The following LRP1B variants were observed in gnomAD, a reference collection of about 807,000 sequenced individuals.
The protein encoded by LRP1B is LDL receptor related protein 1B.
A neutral mutation model predicts 556.6 loss-of-function variants in LRP1B; 217 were observed. That is an observed-to-expected ratio of 0.39 (90% CI 0.35 to 0.44). The LOEUF is 0.44. LRP1B is among the 20% of genes least tolerant of loss of function. The probability of loss-of-function intolerance (pLI) is 1.00; values close to 1 mark genes in which losing one functional copy is unlikely to be tolerated. For missense variants in LRP1B, 5,053 were observed against 5,620.8 expected, an observed-to-expected ratio of 0.90 and a Z score of 3.23; for synonymous variants, 2,047 against 1,865.8, an observed-to-expected ratio of 1.10 and a Z score of -2.50.
At chr2:142,101,822 C>T (rs114376554) in intron 1 of LRP1B, among the ~76,000 whole-genome samples, 6,543 of 151,878 alleles carry the variant, frequency 0.043, 229 homozygotes, top group Non-Finnish European at 0.058. Context: ...GAAAGTATCA[C>T]GTTTAATAGA....
intron 41 of LRP1B, among the ~76,000 whole-genome samples, chr2:140,627,393 C>T (rs985877353): frequency 5.9e-5 from 9 of 152,064 alleles, no homozygotes; most frequent in African/African-American, 1.9e-4. Context: ...AGTCTTTTGG[C>T]CTCCATTTTT....
chr2:140,808,897 G>C (rs952942601), intron 32 of LRP1B, among the ~76,000 whole-genome samples: 2 of 152,032 alleles, frequency 1.3e-5, no homozygotes, highest in Non-Finnish European at 2.9e-5. Context: ...GAAAACCTTC[G>C]TAGAAAATCC....
intron 1 of LRP1B, among the ~76,000 whole-genome samples, chr2:141,920,615 A>C (rs1166476879): frequency 2.0e-5 from 3 of 152,026 alleles, no homozygotes; most frequent in African/African-American, 7.2e-5. Context: ...GAAGTTTTAC[A>C]TGAAAACTAA....
At chr2:141,972,402 T>A (rs766685303) in intron 1 of LRP1B, among the ~76,000 whole-genome samples, 3 of 151,742 alleles carry the variant, frequency 2.0e-5, no homozygotes, top group Non-Finnish European at 4.4e-5. Flanking sequence ...TTATACTACA[T>A]ACTCTTCTTT....
At chr2:141,397,053 T>C (rs920808174) in intron 3 of LRP1B, among the ~76,000 whole-genome samples, 1 of 130,094 alleles carries the variant, frequency 7.7e-6, no homozygotes, top group Admixed American at 9.5e-5. Context: ...ACAAAGGTTG[T>C]GGTGAACCAA....
At chr2:141,477,504 G>A (rs544606616) in intron 3 of LRP1B, among the ~76,000 whole-genome samples, 1 of 152,260 alleles carries the variant, frequency 6.6e-6, no homozygotes, top group East Asian at 1.9e-4. Context: ...AGTAGACTGA[G>A]TTCCTACAAT....
intron 1 of LRP1B, among the ~76,000 whole-genome samples, chr2:142,094,934 G>T (rs536426891): frequency 1.3e-5 from 2 of 151,708 alleles, no homozygotes; most frequent in Admixed American, 1.3e-4. Flanking sequence ...TCTCTCAGAT[G>T]CCATGTATCT....
chr2:140,395,220 T>C (rs1684197642), intron 66 of LRP1B, among the ~76,000 whole-genome samples: 1 of 152,226 alleles, frequency 6.6e-6, no homozygotes, highest in African/African-American at 2.4e-5. Flanking sequence ...TATAATTACC[T>C]GAGTAATGCA....
At chr2:141,710,172 A>G (rs1692307315) in intron 2 of LRP1B, among the ~76,000 whole-genome samples, 1 of 152,164 alleles carries the variant, frequency 6.6e-6, no homozygotes, top group South Asian at 2.1e-4. Context: ...TTGTATGACT[A>G]CTATTTCTAA....
chr2:140,574,646 G>A (rs1202377897), intron 43 of LRP1B, among the ~76,000 whole-genome samples: 1 of 152,162 alleles, frequency 6.6e-6, no homozygotes, highest in East Asian at 1.9e-4. Context: ...CTGCCAGGAA[G>A]ATGACAAAAA....
At chr2:141,242,592 A>G (rs1683918190) in intron 5 of LRP1B, among the ~76,000 whole-genome samples, 1 of 152,034 alleles carries the variant, frequency 6.6e-6, no homozygotes, top group African/African-American at 2.4e-5. Context: ...GCTGTAATAG[A>G]ATCCTGAAGT....
intron 83 of LRP1B, among the ~76,000 whole-genome samples, chr2:140,314,462 C>A (rs544887264): frequency 4.6e-5 from 7 of 152,006 alleles, no homozygotes; most frequent in Non-Finnish European, 1.0e-4. Context: ...TTATATGATA[C>A]AGTGTGATGC....
intron 1 of LRP1B, among the ~76,000 whole-genome samples, chr2:141,930,037 G>A (rs1435471229): frequency 1.3e-5 from 2 of 150,892 alleles, no homozygotes; most frequent in Non-Finnish European, 3.0e-5. Context: ...CCTGGCAAAT[G>A]AGGACTTAAT....
intron 1 of LRP1B, among the ~76,000 whole-genome samples, chr2:141,906,738 G>T (rs534114759): frequency 7.9e-5 from 12 of 152,130 alleles, no homozygotes; most frequent in African/African-American, 2.9e-4. Context: ...GTTTTGGTGT[G>T]TGCATGCATA....
At chr2:141,258,073 T>C (rs1684547802) in intron 3 of LRP1B, among the ~76,000 whole-genome samples, 1 of 152,198 alleles carries the variant, frequency 6.6e-6, no homozygotes, top group Admixed American at 6.5e-5. Context: ...TAGACTGAAG[T>C]AGGAAGACCA....
At chr2:141,382,759 T>C (rs1022314904) in intron 3 of LRP1B, among the ~76,000 whole-genome samples, 11 of 152,198 alleles carry the variant, frequency 7.2e-5, no homozygotes, top group African/African-American at 2.7e-4. Context: ...AAGTTGAATT[T>C]ATTTCTGGGT....
intron 2 of LRP1B, among the ~76,000 whole-genome samples, chr2:141,778,603 C>T (rs1215094140): frequency 6.6e-6 from 1 of 152,204 alleles, no homozygotes; most frequent in African/African-American, 2.4e-5. Flanking sequence ...AAAGAGCTGA[C>T]TGCATTTTCC....
intron 3 of LRP1B, among the ~76,000 whole-genome samples, chr2:141,365,703 AGTGCAGTG>A: frequency 9.8e-6 from 1 of 102,186 alleles, no homozygotes; most frequent in Non-Finnish European, 1.9e-5. Flanking sequence ...CCCGGGCTGG[AGTGCAGTG>A]GCCCAGGCTG....
At chr2:140,933,855 A>G (rs1277670499) in intron 20 of LRP1B, among the ~76,000 whole-genome samples, 1 of 152,042 alleles carries the variant, frequency 6.6e-6, no homozygotes, top group Non-Finnish European at 1.5e-5. Flanking sequence ...AGGCTTTGTT[A>G]TTAAGTGATT....
Sources: gnomAD v4.1 joint callset for allele counts (sites outside exome capture counted in the v4.1 genomes callset) on GRCh38, gnomAD v4.1.1 for gene constraint, MANE v1.5 for transcripts, NCBI Gene and HGNC (gene_info 2026-07-23, HGNC 2026-07-21) for gene names.